RSRC1: variants seen among roughly 807,000 people sequenced by gnomAD.
The protein encoded by RSRC1 is arginine and serine rich coiled-coil 1.
A neutral mutation model predicts 49.1 loss-of-function variants in RSRC1; 39 were observed. That is an observed-to-expected ratio of 0.79 (90% CI 0.61 to 1.04). The LOEUF is 1.04. RSRC1 is among the 50% of genes least tolerant of loss of function. The pLI is 0.00. For synonymous variants in RSRC1, 143 were observed against 130.8 expected (o/e 1.09, Z -0.63); for missense variants, 388 against 402.4 (o/e 0.96, Z 0.31).
chr3:158,459,347 C>CCCA (rs1354224041), intron 6 of RSRC1, among the ~76,000 whole-genome samples: 4 of 151,986 alleles, frequency 2.6e-5, no homozygotes, highest in Admixed American at 6.6e-5. Context: ...TTAAATTGTG[C>CCCA]CCAGTTGGCC....
chr3:158,148,209 T>A (rs1717277676), intron 3 of RSRC1, among the ~76,000 whole-genome samples: 1 of 152,220 alleles, frequency 6.6e-6, no homozygotes, highest in Non-Finnish European at 1.5e-5. Context: ...CCTTTGTAGC[T>A]CTTCTTGTTT....
At chr3:158,394,579 C>A (rs946164376) in intron 6 of RSRC1, among the ~76,000 whole-genome samples, 2 of 152,028 alleles carry the variant, frequency 1.3e-5, no homozygotes, top group Non-Finnish European at 2.9e-5. Context: ...GAACACAATT[C>A]CATTCACAAT....
At chr3:158,334,993 A>G (rs142575387) in intron 5 of RSRC1, among the ~76,000 whole-genome samples, 10 of 152,250 alleles carry the variant, frequency 6.6e-5, no homozygotes, top group African/African-American at 2.4e-4. Context: ...CAGAGTGGAG[A>G]GAATTTTCTA....
In RSRC1 at chr3:158,149,097, T is replaced by TTTATGTA. The variant is rs138457666; in HGVS notation, c.320+25109_320+25115dup. 2.5e-3 allele frequency among the ~76,000 whole-genome samples: 375 copies of TTTATGTA among 152,298 alleles called. 3 individuals are homozygous for TTTATGTA. The highest frequency in any genetic ancestry group is 4.7e-3 in the Non-Finnish European group (323 of 68,014). ...CTGCGCCCAGTCACAAATGTATGCT[T>TTTATGTA]TTATGTATTTGCTGTACTTTCGGTT... On this transcript the variant is annotated intron_variant, in intron 3 of 9. Coordinates refer to ENST00000611884, the MANE Select transcript of RSRC1 (RefSeq NM_001271838.2).
At chr3:158,215,966 C>T (rs1271316444) in intron 4 of RSRC1, among the ~76,000 whole-genome samples, 1 of 151,408 alleles carries the variant, frequency 6.6e-6, no homozygotes, top group African/African-American at 2.4e-5. Context: ...CATCTTTGAG[C>T]TTCTGCTTGA....
At position 158,339,133 on chromosome 3, in the gene RSRC1, A is replaced by G. The variant is rs1368615927; in HGVS notation, c.532-15724A>G. On this transcript the variant is annotated intron_variant, in intron 5 of 9. Transcript: ENST00000611884. ...AGGTGAAACCCCGTCTCTACTAAAA[A>G]TACAAAAAATTAGCCGGGCGCGGTG... Among the ~76,000 whole-genome samples, 11 of 152,052 alleles carry G rather than the reference A, an allele frequency of 7.2e-5. No homozygotes were observed. The South Asian group carries it at 2.3e-3, about 32-fold the overall frequency.
At chr3:158,234,590 T>G in intron 4 of RSRC1, among the ~76,000 whole-genome samples, 1 of 88,086 alleles carries the variant, frequency 1.1e-5, no homozygotes, top group Admixed American at 1.2e-4. Flanking sequence ...TTGTTGTTCT[T>G]CCTCATATTT....
chr3:158,183,303 C>G (rs1342677844), intron 3 of RSRC1, among the ~76,000 whole-genome samples: 1 of 151,684 alleles, frequency 6.6e-6, no homozygotes, highest in African/African-American at 2.4e-5. Flanking sequence ...TTTTTCAATG[C>G]TAAGTTCAAC....
intron 4 of RSRC1, among the ~76,000 whole-genome samples, chr3:158,214,553 A>G (rs922283949): frequency 6.6e-6 from 1 of 151,536 alleles, no homozygotes; most frequent in African/African-American, 2.4e-5. Flanking sequence ...TTTCTAATAC[A>G]AGTGTTTAGT....
intron 6 of RSRC1, among the ~76,000 whole-genome samples, chr3:158,456,882 A>C (rs370497155): frequency 1.3e-5 from 2 of 152,088 alleles, no homozygotes; most frequent in African/African-American, 4.8e-5. Context: ...TTCATACATA[A>C]TAGTTGTATG....
chr3:158,366,155 A>C (rs1578392386), intron 6 of RSRC1, among the ~76,000 whole-genome samples: 1 of 151,636 alleles, frequency 6.6e-6, no homozygotes, highest in Non-Finnish European at 1.5e-5. Context: ...GTTTAATTAG[A>C]TCTCATTTGT....
At chr3:158,391,486 G>C (rs1221961146) in intron 6 of RSRC1, among the ~76,000 whole-genome samples, 1 of 152,186 alleles carries the variant, frequency 6.6e-6, no homozygotes, top group Non-Finnish European at 1.5e-5. Context: ...CAGCTTGCTA[G>C]TAATGGTATA....
intron 5 of RSRC1, among the ~76,000 whole-genome samples, chr3:158,350,088 A>G (rs1367769089): frequency 6.8e-6 from 1 of 146,756 alleles, no homozygotes; most frequent in African/African-American, 2.5e-5. Flanking sequence ...TATTTTTGTG[A>G]TATTCTTTAA....
At chr3:158,242,118 G>A (rs115586191) in intron 4 of RSRC1, among the ~76,000 whole-genome samples, 157 of 130,942 alleles carry the variant, frequency 1.2e-3, no homozygotes, top group African/African-American at 4.4e-3. Context: ...GTGTGCCATG[G>A]TGATTAGCTG....
intron 5 of RSRC1, among the ~76,000 whole-genome samples, chr3:158,307,498 A>C (rs989956098): frequency 6.6e-6 from 1 of 151,934 alleles, no homozygotes; most frequent in Non-Finnish European, 1.5e-5. Context: ...AATGTGTATA[A>C]ATAGATTTAA....
chr3:158,205,576 A>G (rs1452651993), intron 4 of RSRC1, among the ~76,000 whole-genome samples: 1 of 152,098 alleles, frequency 6.6e-6, no homozygotes, highest in Non-Finnish European at 1.5e-5. Context: ...GCAAGTGATT[A>G]TAGTAAAGTC....
At chr3:158,247,856 TG>T in intron 4 of RSRC1, among the ~76,000 whole-genome samples, 1 of 152,310 alleles carries the variant, frequency 6.6e-6, no homozygotes, top group Non-Finnish European at 1.5e-5. Context: ...CTTAGCTCTA[TG>T]TCACTCTCAG....
At chr3:158,162,481 C>T (rs9811346) in intron 3 of RSRC1, among the ~76,000 whole-genome samples, 98,497 of 151,958 alleles carry the variant, frequency 0.65, 32,802 homozygotes, top group African/African-American at 0.79. Context: ...TTAGGATAAT[C>T]ACCATTTTTA....
intron 6 of RSRC1, among the ~76,000 whole-genome samples, chr3:158,442,850 GT>G (rs1225548153): frequency 6.6e-6 from 1 of 152,056 alleles, no homozygotes; most frequent in Non-Finnish European, 1.5e-5. Flanking sequence ...CAATTTTTCT[GT>G]GATCTGTGGG....
Sources: allele counts gnomAD v4.1 joint callset (sites outside exome capture counted in the v4.1 genomes callset), GRCh38; gene constraint gnomAD v4.1.1; transcripts MANE v1.5; gene names NCBI Gene and HGNC (gene_info 2026-07-23, HGNC 2026-07-21).